CCSER1: variants seen among roughly 807,000 people sequenced by gnomAD.
CCSER1 encodes coiled-coil serine rich protein 1, also known as serine-rich coiled-coil domain-containing protein 1.
Under a neutral mutation model 82.0 loss-of-function variants are expected in CCSER1, and 41 were observed. The observed-to-expected ratio is 0.50, with a 90% CI of 0.39 to 0.65. The LOEUF (loss-of-function observed/expected upper bound fraction) is 0.65. Among genes scored for constraint, CCSER1 ranks in the 30% least tolerant of loss-of-function variants. CCSER1 has a pLI of 0.00. For synonymous variants in CCSER1, 414 were observed against 383.9 expected, an observed-to-expected ratio of 1.08 and a Z score of -0.92; for missense variants, 1,119 against 1,064.2, an observed-to-expected ratio of 1.05 and a Z score of -0.72.
chr4:90,933,173 G>C (rs1243302301), intron 9 of CCSER1, among the ~76,000 whole-genome samples: 2 of 114,922 alleles, frequency 1.7e-5, no homozygotes, highest in Non-Finnish European at 3.6e-5. Context: ...GTGTGTGTGT[G>C]TGTGTGTGTG....
intron 10 of CCSER1, among the ~76,000 whole-genome samples, chr4:91,439,859 A>G (rs1366758938): frequency 6.6e-6 from 1 of 152,216 alleles, no homozygotes; most frequent in Non-Finnish European, 1.5e-5. Flanking sequence ...AGATCAAAAG[A>G]GACAAAGAAG....
intron 8 of CCSER1, among the ~76,000 whole-genome samples, chr4:90,851,109 C>A (rs115118805): frequency 6.6e-6 from 1 of 152,142 alleles, no homozygotes; most frequent in Non-Finnish European, 1.5e-5. Flanking sequence ...CCTTCCACCA[C>A]GATTGTTAAG....
intron 7 of CCSER1, among the ~76,000 whole-genome samples, chr4:90,760,967 C>T (rs772448172): frequency 2.0e-5 from 3 of 151,894 alleles, no homozygotes; most frequent in Non-Finnish European, 4.4e-5. Flanking sequence ...AATCAGAAAG[C>T]CCTCCTGAGA....
chr4:90,552,975 A>ATTTT (rs745450293), intron 5 of CCSER1, among the ~76,000 whole-genome samples: 1 of 143,688 alleles, frequency 7.0e-6, no homozygotes, highest in African/African-American at 2.6e-5. Context: ...TAAATTAACC[A>ATTTT]TTTTTTTTTT....
intron 10 of CCSER1, among the ~76,000 whole-genome samples, chr4:91,569,707 G>T (rs1763072798): frequency 6.6e-6 from 1 of 151,982 alleles, no homozygotes; most frequent in African/African-American, 2.4e-5. Flanking sequence ...CTCCCACCAG[G>T]TCCCCCCCAA....
intron 9 of CCSER1, chr4:90,938,731 C>A: frequency 2.7e-6 from 1 of 373,358 alleles, no homozygotes. Flanking sequence ...CTTATTTCAA[C>A]TTAGGTTAAA....
intron 10 of CCSER1, among the ~76,000 whole-genome samples, chr4:91,189,372 T>C (rs959853335): frequency 6.6e-5 from 10 of 152,188 alleles, no homozygotes; most frequent in Non-Finnish European, 1.2e-4. Context: ...TGCTGGTGTA[T>C]TCATTCTTAA....
intron 8 of CCSER1, among the ~76,000 whole-genome samples, chr4:90,832,602 G>A (rs114801819): frequency 0.012 from 1,894 of 152,110 alleles, 32 homozygotes; most frequent in African/African-American, 0.044. Flanking sequence ...TTTTTTATCA[G>A]TCATTAAGCA....
At chr4:90,989,005 T>C (rs929430539) in intron 9 of CCSER1, among the ~76,000 whole-genome samples, 7 of 151,804 alleles carry the variant, frequency 4.6e-5, no homozygotes, top group African/African-American at 1.7e-4. Flanking sequence ...CTACAGAATA[T>C]ATATTCTATA....
At chr4:91,197,478 T>C (rs896685791) in intron 10 of CCSER1, among the ~76,000 whole-genome samples, 6 of 152,188 alleles carry the variant, frequency 3.9e-5, no homozygotes, top group African/African-American at 1.4e-4. Flanking sequence ...TAAATGTAGC[T>C]CGTGTGCCTG....
At chr4:91,007,173 C>CTATT (rs1485743027) in intron 9 of CCSER1, among the ~76,000 whole-genome samples, 1 of 152,058 alleles carries the variant, frequency 6.6e-6, no homozygotes. Context: ...TTTTACTGTG[C>CTATT]TATTTAATTC....
At chr4:90,607,084 A>G (rs1784824015) in intron 5 of CCSER1, among the ~76,000 whole-genome samples, 1 of 152,144 alleles carries the variant, frequency 6.6e-6, no homozygotes, top group East Asian at 1.9e-4. Context: ...GGGAAGAAAT[A>G]TTTTACATAT....
intron 5 of CCSER1, among the ~76,000 whole-genome samples, chr4:90,494,564 T>C (rs571970468): frequency 2.0e-5 from 3 of 152,294 alleles, no homozygotes; most frequent in African/African-American, 7.2e-5. Flanking sequence ...TTGGTCACCT[T>C]TGAAATTTGA....
chr4:91,403,016 C>G (rs914225490), intron 10 of CCSER1, among the ~76,000 whole-genome samples: 2 of 152,188 alleles, frequency 1.3e-5, no homozygotes, highest in Admixed American at 1.3e-4. Context: ...ATTGATTCTT[C>G]CTATCCATGA....
intron 5 of CCSER1, among the ~76,000 whole-genome samples, chr4:90,499,207 A>G (rs7661714): frequency 0.35 from 53,259 of 151,824 alleles, 15,305 homozygotes; most frequent in African/African-American, 0.79. Context: ...TCGATGCCCT[A>G]ATTTCAAATT....
At chr4:91,319,699 C>G (rs774189447) in intron 10 of CCSER1, 1 of 455,674 alleles carries the variant, frequency 2.2e-6, no homozygotes, top group Non-Finnish European at 4.4e-6. Flanking sequence ...TTCTGATTTC[C>G]CTGTGTGTCC....
intron 1 of CCSER1, among the ~76,000 whole-genome samples, chr4:90,253,334 C>T (rs938719602): frequency 6.6e-6 from 1 of 152,094 alleles, no homozygotes; most frequent in East Asian, 1.9e-4. Context: ...TGTTGGGTGT[C>T]ACTTGCTTTC....
At position 90,752,135 on chromosome 4, in the gene CCSER1, A is replaced by T. The variant is rs1748759849; in HGVS notation, c.2010+28144A>T. ...TTTTACATATGCTTTTCTGAGGAAA[A>T]CTTTACAGCGACTCCATGAGTTAAG... On this transcript the variant is annotated intron_variant, in intron 7 of 10. Transcript: ENST00000509176. Among the ~76,000 whole-genome samples, 3 of 152,040 alleles carry T rather than the reference A, an allele frequency of 2.0e-5. No homozygotes were observed. In the South Asian group the frequency reaches 6.2e-4, roughly 32 times the overall value.
At chr4:90,833,544 G>C (rs562714274) in intron 8 of CCSER1, among the ~76,000 whole-genome samples, 8 of 152,126 alleles carry the variant, frequency 5.3e-5, no homozygotes, top group African/African-American at 1.9e-4. Context: ...ACTTAATGAT[G>C]AGCTATTTGT....
Sources: gnomAD v4.1 joint callset for allele counts (sites outside exome capture counted in the v4.1 genomes callset) on GRCh38, gnomAD v4.1.1 for gene constraint, MANE v1.5 for transcripts, NCBI Gene and HGNC (gene_info 2026-07-23, HGNC 2026-07-21) for gene names.